The following TMEM106B variants were observed in gnomAD, a reference collection of about 807,000 sequenced individuals.
The protein encoded by TMEM106B is transmembrane protein 106B.
TMEM106B carries 15 observed loss-of-function variants against 31.1 expected under a neutral mutation model. The ratio of observed to expected loss-of-function variants is 0.48; its 90% confidence interval spans 0.32 to 0.74. The LOEUF (loss-of-function observed/expected upper bound fraction) is 0.74, where lower values mean the gene tolerates loss of function less well. Among genes scored for constraint, TMEM106B ranks in the 30% least tolerant of loss-of-function variants. The probability of loss-of-function intolerance (pLI) is 0.03; values close to 1 mark genes in which losing one functional copy is unlikely to be tolerated. For missense variants in TMEM106B, 283 were observed against 327.3 expected (o/e 0.86, Z 1.04); for synonymous variants, 126 against 112.5 (o/e 1.12, Z -0.76).
chr7:12,217,028 T>C (rs1223321637), intron 2 of TMEM106B, among the ~76,000 whole-genome samples: 1 of 38,102 alleles, frequency 2.6e-5, no homozygotes, highest in Non-Finnish European at 4.4e-5. Context: ...GGAGAGGGAT[T>C]TTTTTTTTTC....
At chr7:12,215,609 A>C (rs1451226128) in intron 2 of TMEM106B, 1 of 372,196 alleles carries the variant, frequency 2.7e-6, no homozygotes, top group African/African-American at 2.1e-5. Context: ...ATAAGGATGG[A>C]GTTTCCCCAT....
chr7:12,237,816 T>A lies in TMEM106B; in HGVS notation c.*5841T>A, dbSNP rs13234970. ...CGAGACCCCATATAAAATATATACA[T>A]ACACACACACACACACACACACACA... On this transcript the variant is annotated 3_prime_UTR_variant, in exon 8 of 8. Coordinates refer to ENST00000396668, the MANE Select transcript of TMEM106B (RefSeq NM_001134232.2). 4 of 124,840 alleles carry A rather than the reference T, an allele frequency of 3.2e-5. No homozygotes were observed. The East Asian group carries it at 9.3e-4, about 29-fold the overall frequency. 7.7% of individuals were successfully genotyped at this position (124,840 alleles called of 1,614,324 possible).
At position 12,224,352 on chromosome 7, in the gene TMEM106B, T is replaced by C; in HGVS notation, c.408T>C (p.Asp136=). 6.2e-7 allele frequency: 1 copy of C among 1,612,536 alleles called. No individual in the cohort carries two copies. The change falls in exon 4 of 8, where the codon GAT becomes GAC. Residue 136 remains aspartate, a synonymous_variant. Coordinates refer to ENST00000396668, the MANE Select transcript of TMEM106B (RefSeq NM_001134232.2). The part of the protein sequence containing the change: ...IGVKSAYVSY[D]VQKRTIYLNI... The stretch of plus-strand genomic sequence containing the variant: ...TAAAATCAGCCTATGTCAGTTATGA[T>C]GTTCAGAAGCGTACAATTTATTTAA...
intron 4 of TMEM106B, among the ~76,000 whole-genome samples, chr7:12,225,665 C>A (rs1343153893): frequency 6.6e-6 from 1 of 152,090 alleles, no homozygotes; most frequent in East Asian, 1.9e-4. Flanking sequence ...GCATAAATGT[C>A]TTCTTTTGAG....
At position 12,239,098 on chromosome 7, in the gene TMEM106B, T is replaced by C. The variant is rs1461113783; in HGVS notation, c.*7123T>C. The C allele has an allele frequency of 6.6e-6, 1 of 152,226 alleles. No homozygotes were observed. The highest frequency in any genetic ancestry group is 1.5e-5 in the Non-Finnish European group (1 of 68,038). The allele number at this position is 152,226 out of a possible 1,614,324, so 9.4% of individuals were successfully genotyped here. A position where few individuals can be genotyped will look rare whatever the true frequency, so the allele number is the denominator to read the frequency against. On this transcript the variant is annotated 3_prime_UTR_variant, in exon 8 of 8. Transcript: ENST00000396668. Reference sequence around the variant, plus strand: ...ATATTGTTCATTGTAACCACTTTCATCAATGATCTTAGCTAGATATTCTGG... The same window carrying C: ...ATATTGTTCATTGTAACCACTTTCACCAATGATCTTAGCTAGATATTCTGG...
chr7:12,230,251 A>T (rs1781993341), intron 5 of TMEM106B, 138 bp from the exon 6 acceptor site: 1 of 724,888 alleles, frequency 1.4e-6, no homozygotes, highest in Admixed American at 2.3e-5. Context: ...TGTGTCTTAT[A>T]CACATACAAG....
rs897534441 is a variant in TMEM106B, at chr7:12,216,333, G to A, written c.217+1306G>A. Among the ~76,000 whole-genome samples, 3 of 151,286 alleles carry A rather than the reference G, an allele frequency of 2.0e-5. No homozygotes were observed. In the South Asian group the frequency reaches 6.3e-4, roughly 32 times the overall value. On this transcript the variant is annotated intron_variant, in intron 2 of 7. Transcript: ENST00000396668. ...GATGACTCCAGAGTTTTTTTGGGGG[G>A]GTTTGTTTGAGCAACTGAAAGAATG...
chr7:12,217,171 CACAAGA>C (rs1562703248), intron 2 of TMEM106B, among the ~76,000 whole-genome samples: 1 of 151,954 alleles, frequency 6.6e-6, no homozygotes, highest in Non-Finnish European at 1.5e-5. Context: ...AGATCTACTG[CACAAGA>C]ACAAAGAGCT....
At chr7:12,230,342 G>A in intron 5 of TMEM106B, 47 bp from the exon 6 acceptor site, 1 of 1,319,272 alleles carries the variant, frequency 7.6e-7, no homozygotes, top group Non-Finnish European at 1.1e-6. Context: ...TGAAATGTTT[G>A]ATGTTTTGAT....
intron 2 of TMEM106B, 35 bp from the exon 3 acceptor site, chr7:12,218,423 A>G: frequency 1.9e-6 from 3 of 1,562,960 alleles, no homozygotes; most frequent in Non-Finnish European, 2.6e-6. Context: ...TTAACTAATC[A>G]TAGTAATTTC....
chr7:12,214,770 T>C (rs1781653419), intron 1 of TMEM106B, 39 bp from the exon 2 acceptor site: 1 of 1,498,024 alleles, frequency 6.7e-7, no homozygotes, highest in Non-Finnish European at 9.0e-7. Flanking sequence ...ATGTACTTTT[T>C]TCCCTGAAGT....
At position 12,234,612 on chromosome 7, in the gene TMEM106B, T is replaced by G. The variant is rs927963786; in HGVS notation, c.*2637T>G. The G allele has an allele frequency of 3.3e-5, 5 of 151,800 alleles. No homozygotes were observed. Among genetic ancestry groups the G allele is most frequent in the Non-Finnish European group, 7.4e-5 (5 of 67,770 alleles). 9.4% of individuals were successfully genotyped at this position (151,800 alleles called of 1,614,324 possible). The stretch of plus-strand genomic sequence containing the variant: ...TTTTTCCATGGGAATAGGATAGGTA[T>G]TAATACGCTTTTCTAAACTGCTCTC... On this transcript the variant is annotated 3_prime_UTR_variant, in exon 8 of 8. Coordinates refer to ENST00000396668, the MANE Select transcript of TMEM106B (RefSeq NM_001134232.2).
Position 12,232,238 on chromosome 7 carries a change from G to T in TMEM106B, c.*263G>T, listed in dbSNP as rs1583221994. 3.9e-6 allele frequency: 1 copy of T among 258,776 alleles called. No individual in the cohort carries two copies. The highest frequency in any genetic ancestry group is 4.9e-5 in the Admixed American group (1 of 20,396). The allele number at this position is 258,776 out of a possible 1,614,324, so 16.0% of individuals were successfully genotyped here. ...AGCCTATCCCCTACAGGGAAAAGCT[G>T]ATACTTCCCCTATAGTACAATAAAT... On this transcript the variant is annotated 3_prime_UTR_variant, in exon 8 of 8. Transcript: ENST00000396668.
intron 2 of TMEM106B, among the ~76,000 whole-genome samples, chr7:12,218,054 G>C: frequency 6.6e-6 from 1 of 152,088 alleles, no homozygotes; most frequent in East Asian, 1.9e-4. Context: ...TGCAGTGATA[G>C]AGATGATAGA....
chr7:12,218,817 T>G (rs1781736092), intron 3 of TMEM106B, among the ~76,000 whole-genome samples: 1 of 151,856 alleles, frequency 6.6e-6, no homozygotes, highest in African/African-American at 2.4e-5. Flanking sequence ...GATAATAAGG[T>G]GTACTCCACA....
rs1341866321 is a variant in TMEM106B at position 12,236,494 on chromosome 7, T to G, written c.*4519T>G. On this transcript the variant is annotated 3_prime_UTR_variant, in exon 8 of 8. Coordinates refer to ENST00000396668, the MANE Select transcript of TMEM106B (RefSeq NM_001134232.2). Reference sequence around the variant, plus strand: ...CTAAAAGGAAGCTGTTACCCTTCTGTTTTTAATTACATTAATTGAAATGTG... The same window carrying G: ...CTAAAAGGAAGCTGTTACCCTTCTGGTTTTAATTACATTAATTGAAATGTG... 1.3e-5 allele frequency: 2 copies of G among 151,960 alleles called. No homozygotes were observed. Among genetic ancestry groups the G allele is most frequent in the Non-Finnish European group, 2.9e-5 (2 of 67,878 alleles). 9.4% of individuals were successfully genotyped at this position (151,960 alleles called of 1,614,324 possible).
intron 1 of TMEM106B, among the ~76,000 whole-genome samples, chr7:12,212,665 C>A (rs986355592): frequency 5.3e-5 from 8 of 151,946 alleles, no homozygotes; most frequent in African/African-American, 1.9e-4. Context: ...GTACAAGTGC[C>A]ATTTGCTACA....
At chr7:12,224,613 T>G (rs1359157588) in intron 4 of TMEM106B, among the ~76,000 whole-genome samples, 1 of 145,818 alleles carries the variant, frequency 6.9e-6, no homozygotes, top group African/African-American at 2.6e-5. Flanking sequence ...TTTGAAAATG[T>G]CTTTAGGAGG....
chr7:12,222,140 C>T (rs1423358856), intron 3 of TMEM106B, among the ~76,000 whole-genome samples: 1 of 152,116 alleles, frequency 6.6e-6, no homozygotes, highest in South Asian at 2.1e-4. Flanking sequence ...AAGTAAATTG[C>T]ATTAAATACT....
Sources: allele counts gnomAD v4.1 joint callset (sites outside exome capture counted in the v4.1 genomes callset), GRCh38; gene constraint gnomAD v4.1.1; transcripts MANE v1.5; gene names NCBI Gene and HGNC (gene_info 2026-07-23, HGNC 2026-07-21).